The following TNR variants were observed in gnomAD, a reference collection of about 807,000 sequenced individuals.
The protein encoded by TNR is tenascin-R.
A neutral mutation model predicts 150.4 loss-of-function variants in TNR; 45 were observed. The observed-to-expected ratio is 0.30, with a 90% CI of 0.24 to 0.38. The LOEUF (loss-of-function observed/expected upper bound fraction) is 0.38. Among genes scored for constraint, TNR ranks in the 10% least tolerant of loss-of-function variants. TNR has a pLI of 1.00. For synonymous variants in TNR, 687 were observed against 678.4 expected (o/e 1.01, Z -0.20); for missense variants, 1,544 against 1,759.1 (o/e 0.88, Z 2.19).
At chr1:175,426,453 C>T (rs1303913599) in intron 2 of TNR, among the ~76,000 whole-genome samples, 1 of 152,158 alleles carries the variant, frequency 6.6e-6, no homozygotes, top group Admixed American at 6.5e-5. Flanking sequence ...GGTGGTGCAA[C>T]TGCCCTTCTC....
At chr1:175,597,167 T>G (rs1663042357) in intron 1 of TNR, among the ~76,000 whole-genome samples, 2 of 152,210 alleles carry the variant, frequency 1.3e-5, no homozygotes, top group Non-Finnish European at 2.9e-5. Flanking sequence ...TTGACATCCC[T>G]GCGAGGCAGG....
At chr1:175,442,967 A>G (rs183428867) in intron 2 of TNR, among the ~76,000 whole-genome samples, 1 of 149,010 alleles carries the variant, frequency 6.7e-6, no homozygotes, top group Admixed American at 6.6e-5. Context: ...GAAGGCTGTA[A>G]TAAGTGTGAA....
Position 175,316,441 on chromosome 1 carries a change from A to C in TNR, c.*6916T>G, listed in dbSNP as rs1446252376. 1 of 152,208 alleles carries C rather than the reference A, an allele frequency of 6.6e-6. No homozygotes were observed. The highest frequency in any genetic ancestry group is 1.9e-4 in the East Asian group (1 of 5,200). 9.4% of individuals were successfully genotyped at this position (152,208 alleles called of 1,614,324 possible). A position where few individuals can be genotyped will look rare whatever the true frequency, so the allele number is the denominator to read the frequency against. ...AGGAGGTAGCCTAAATCAGTCTACA[A>C]CCTGCTGGAGTTAGCCTCAAAATTT... On this transcript the variant is annotated 3_prime_UTR_variant, in exon 23 of 23. Transcript: ENST00000367674.
chr1:175,583,662 C>A (rs1289541918), intron 1 of TNR, among the ~76,000 whole-genome samples: 2 of 152,140 alleles, frequency 1.3e-5, no homozygotes, highest in Non-Finnish European at 2.9e-5. Flanking sequence ...TGGAAACAAG[C>A]AAGGCAAAAG....
chr1:175,693,640 T>C (rs1344322382), intron 1 of TNR, among the ~76,000 whole-genome samples: 1 of 152,226 alleles, frequency 6.6e-6, no homozygotes, highest in Non-Finnish European at 1.5e-5. Flanking sequence ...AACACTGTGT[T>C]CTACAGGTGA....
In TNR at chr1:175,568,160, T is replaced by C. The variant is rs1484933077; in HGVS notation, c.-164-39791A>G. ...GCAAAGTCCCACTCAGGTCCAGCTG[T>C]GGACAGGCAGGTGCCCATTCAAGGA... On this transcript the variant is annotated intron_variant, in intron 1 of 22. Transcript: ENST00000367674. Among the ~76,000 whole-genome samples the C allele has an allele frequency of 2.0e-5, 3 of 152,226 alleles. No homozygotes were observed. In the East Asian group the frequency reaches 5.8e-4, roughly 29 times the overall value.
At chr1:175,378,053 C>T (rs149197091) in intron 9 of TNR, among the ~76,000 whole-genome samples, 27 of 152,306 alleles carry the variant, frequency 1.8e-4, no homozygotes, top group African/African-American at 6.3e-4. Context: ...AGGACACTGC[C>T]TTAGTCCATG....
At chr1:175,472,323 C>T (rs1468418769) in intron 2 of TNR, among the ~76,000 whole-genome samples, 1 of 151,856 alleles carries the variant, frequency 6.6e-6, no homozygotes, top group East Asian at 1.9e-4. Context: ...CCTGAAGGAC[C>T]GGCCTGAGGC....
chr1:175,717,183 A>T (rs1667178458), intron 1 of TNR, among the ~76,000 whole-genome samples: 1 of 152,192 alleles, frequency 6.6e-6, no homozygotes, highest in Non-Finnish European at 1.5e-5. Context: ...CTCATAAATA[A>T]AACTTTGGCT....
chr1:175,689,341 GCAT>G lies in TNR; in HGVS notation c.-165+53882_-165+53884del. On this transcript the variant is annotated intron_variant, in intron 1 of 22. Coordinates refer to ENST00000367674, the MANE Select transcript of TNR (RefSeq NM_003285.3). ...CGTCTTTCCACAGGGATACCAGGTA[GCAT>G]GACCGAATACCTTAATCTACCCCAG... is the stretch of plus-strand genomic sequence containing the variant. 1.3e-5 allele frequency among the ~76,000 whole-genome samples: 2 copies of G among 152,188 alleles called. 1 individual carries two copies. Among genetic ancestry groups the G allele is most frequent in the Middle Eastern group, 6.8e-3 (2 of 294 alleles).
chr1:175,679,012 G>A (rs1242573581), intron 1 of TNR, among the ~76,000 whole-genome samples: 2 of 152,238 alleles, frequency 1.3e-5, no homozygotes, highest in Non-Finnish European at 2.9e-5. Context: ...GAATCTCTGA[G>A]TCAGGTGGGC....
At chr1:175,397,560 A>C (rs1004138243) in intron 4 of TNR, among the ~76,000 whole-genome samples, 11 of 152,234 alleles carry the variant, frequency 7.2e-5, no homozygotes, top group Admixed American at 1.3e-4. Flanking sequence ...AATTATGAGA[A>C]GCCAAAACAG....
chr1:175,737,908 C>G (rs1451721564), intron 1 of TNR, among the ~76,000 whole-genome samples: 5 of 152,208 alleles, frequency 3.3e-5, no homozygotes. Flanking sequence ...CCTTGTAATA[C>G]ATAACCCAGA....
In TNR at chr1:175,337,677, C is replaced by A. The variant is rs1473977292; in HGVS notation, c.3385G>T (p.Gly1129Cys). 6.2e-7 allele frequency: 1 copy of A among 1,614,002 alleles called. No individual in the cohort carries two copies. Among genetic ancestry groups the A allele is most frequent in the Non-Finnish European group, 8.5e-7 (1 of 1,180,020 alleles). ...TCTTGGGGATGAGGGAACACCCGGCCTCCTGCAAGGAAAATAGACAATGTC... is the reference window on the plus strand; with the variant it reads ...TCTTGGGGATGAGGGAACACCCGGCATCCTGCAAGGAAAATAGACAATGTC... ...SITSTAFTTG[G>C]RVFPHPQDCA... is the part of the protein sequence containing the mutation. Residue 1129 changes from glycine to cysteine, a missense_variant and splice_region_variant, in exon 19 of 23, where the codon GGC (glycine) becomes TGC (cysteine). Physicochemically the swap from Gly to Cys is radical, Grantham distance 159. Transcript: ENST00000367674.
At chr1:175,607,948 A>G (rs6692686) in intron 1 of TNR, among the ~76,000 whole-genome samples, 2,822 of 152,338 alleles carry the variant, frequency 0.019, 66 homozygotes, top group African/African-American at 0.059. Context: ...TGTACAGGTT[A>G]TCTCTGAGCT....
chr1:175,415,560 G>C (rs1654401245), intron 2 of TNR, among the ~76,000 whole-genome samples: 2 of 152,116 alleles, frequency 1.3e-5, no homozygotes, highest in South Asian at 2.1e-4. Context: ...CTGCAGGAAG[G>C]GTCTTTGGTT....
intron 1 of TNR, among the ~76,000 whole-genome samples, chr1:175,601,594 T>C (rs6692436): frequency 0.32 from 49,252 of 152,018 alleles, 11,332 homozygotes; most frequent in African/African-American, 0.65. Flanking sequence ...AGATAAAATG[T>C]TAAAAGCCAT....
At chr1:175,353,982 A>G (rs1651197666) in intron 18 of TNR, among the ~76,000 whole-genome samples, 1 of 151,820 alleles carries the variant, frequency 6.6e-6, no homozygotes, top group Non-Finnish European at 1.5e-5. Flanking sequence ...AGTAGCTGGG[A>G]TTACAGGCAC....
chr1:175,405,796 T>C (rs1653927314), intron 3 of TNR, among the ~76,000 whole-genome samples: 1 of 152,158 alleles, frequency 6.6e-6, no homozygotes, highest in South Asian at 2.1e-4. Flanking sequence ...AGCGTCTGCA[T>C]TCTCTAGTCC....
Sources: allele counts gnomAD v4.1 joint callset (sites outside exome capture counted in the v4.1 genomes callset), GRCh38; gene constraint gnomAD v4.1.1; transcripts MANE v1.5; gene names NCBI Gene and HGNC (gene_info 2026-07-23, HGNC 2026-07-21).